GMDS: variants seen among roughly 807,000 people sequenced by gnomAD.
The protein encoded by GMDS is GDP-mannose 4,6 dehydratase.
GMDS carries 20 observed loss-of-function variants against 49.9 expected under a neutral mutation model. The ratio of observed to expected loss-of-function variants is 0.40; its 90% CI spans 0.28 to 0.58. The LOEUF (loss-of-function observed/expected upper bound fraction) is 0.58, where lower values mean the gene tolerates loss of function less well. GMDS is among the 20% of genes least tolerant of loss of function. The pLI, the probability that GMDS is intolerant of heterozygous loss-of-function variation, is 0.42. For synonymous variants in GMDS, 177 were observed against 178.6 expected, an observed-to-expected ratio of 0.99 and a Z score of 0.07; for missense variants, 362 against 481.4, an observed-to-expected ratio of 0.75 and a Z score of 2.32.
At chr6:1,673,420 A>G (rs1181155132) in intron 9 of GMDS, among the ~76,000 whole-genome samples, 1 of 151,370 alleles carries the variant, frequency 6.6e-6, no homozygotes, top group African/African-American at 2.4e-5. Flanking sequence ...TTAGCTTTAT[A>G]GAAAAACTAC....
chr6:1,745,576 G>A (rs1361309178), intron 7 of GMDS, among the ~76,000 whole-genome samples: 2 of 152,186 alleles, frequency 1.3e-5, no homozygotes, highest in African/African-American at 4.8e-5. Context: ...CTAGGGATCA[G>A]TCAGGGCCTC....
intron 1 of GMDS, among the ~76,000 whole-genome samples, chr6:2,198,859 G>C (rs1057138049): frequency 6.6e-6 from 1 of 152,192 alleles, no homozygotes; most frequent in Non-Finnish European, 1.5e-5. Context: ...GGTGTCTCTA[G>C]CCTAGCTCTA....
At chr6:2,201,518 G>A (rs1201257533) in intron 1 of GMDS, among the ~76,000 whole-genome samples, 4 of 124,288 alleles carry the variant, frequency 3.2e-5, no homozygotes, top group Non-Finnish European at 6.9e-5. Flanking sequence ...GGTGAAGGAT[G>A]AAGAGAGAGC....
At chr6:2,075,166 G>C (rs978574242) in intron 4 of GMDS, among the ~76,000 whole-genome samples, 1 of 151,946 alleles carries the variant, frequency 6.6e-6, no homozygotes, top group Non-Finnish European at 1.5e-5. Context: ...TTCTATTTCT[G>C]TGAGAAATGA....
intron 4 of GMDS, among the ~76,000 whole-genome samples, chr6:2,058,692 G>A (rs896471263): frequency 7.2e-5 from 11 of 152,188 alleles, no homozygotes; most frequent in Non-Finnish European, 1.5e-5. Flanking sequence ...AAGTCCAGCA[G>A]AGATCAACGG....
At position 2,191,617 on chromosome 6, in the gene GMDS, G is replaced by A. The variant is rs937636382; in HGVS notation, c.102+53704C>T. Among the ~76,000 whole-genome samples, 20 of 152,224 alleles carry A rather than the reference G, an allele frequency of 1.3e-4. No homozygotes were observed. Among genetic ancestry groups the A allele is most frequent in the African/African-American group, 4.6e-4 (19 of 41,476 alleles). On this transcript the variant is annotated intron_variant, in intron 1 of 10. Transcript: ENST00000380815. This position sits in a 1 kb window ranked among gnomAD's most constrained non-coding sequence, Gnocchi z 4.6. Reference sequence around the variant, plus strand: ...CCTGCTATGATCTCCGAATGGGGTTGGGGCCAAGCCGGGGAGCTGTCACAG... The same window carrying A: ...CCTGCTATGATCTCCGAATGGGGTTAGGGCCAAGCCGGGGAGCTGTCACAG...
chr6:1,941,230 G>T (rs568390860), intron 6 of GMDS, among the ~76,000 whole-genome samples: 3 of 152,210 alleles, frequency 2.0e-5, no homozygotes, highest in Admixed American at 1.3e-4. Context: ...TCCAACGAGG[G>T]TCTAGGCTGA....
intron 1 of GMDS, among the ~76,000 whole-genome samples, chr6:2,184,934 G>C (rs1394410603): frequency 1.8e-4 from 28 of 152,114 alleles, no homozygotes. Context: ...ACACTCTAGA[G>C]TCGCTATTCA....
chr6:1,904,546 G>A (rs1219529253), intron 7 of GMDS, among the ~76,000 whole-genome samples: 2 of 152,180 alleles, frequency 1.3e-5, no homozygotes, highest in Non-Finnish European at 2.9e-5. Flanking sequence ...TCCATTTAAC[G>A]AACGAATTTG....
At chr6:2,127,931 C>A (rs932064346) in intron 1 of GMDS, among the ~76,000 whole-genome samples, 5 of 152,218 alleles carry the variant, frequency 3.3e-5, no homozygotes, top group African/African-American at 1.2e-4. Flanking sequence ...TCCTCTGAAA[C>A]AAGGAACAAA....
At chr6:2,141,271 G>C (rs1776273017) in intron 1 of GMDS, among the ~76,000 whole-genome samples, 1 of 152,262 alleles carries the variant, frequency 6.6e-6, no homozygotes, top group South Asian at 2.1e-4. Context: ...CAAGTTATCA[G>C]GCTGCCACAG....
At chr6:1,759,296 T>C (rs932389177) in intron 7 of GMDS, among the ~76,000 whole-genome samples, 33 of 152,274 alleles carry the variant, frequency 2.2e-4, no homozygotes, top group African/African-American at 7.9e-4. Context: ...CTTAGAGGTG[T>C]TGTCATTCAA....
intron 6 of GMDS, among the ~76,000 whole-genome samples, chr6:1,951,510 G>A (rs1040516147): frequency 2.0e-5 from 3 of 152,128 alleles, no homozygotes; most frequent in Non-Finnish European, 2.9e-5. Context: ...TTAATTATGG[G>A]TATATTTAAA....
At chr6:2,065,546 T>G (rs1290158938) in intron 4 of GMDS, among the ~76,000 whole-genome samples, 2 of 151,992 alleles carry the variant, frequency 1.3e-5, no homozygotes, top group African/African-American at 4.8e-5. Context: ...AATGTATAAC[T>G]AGAATAAACC....
At chr6:1,916,886 T>C (rs1300220253) in intron 7 of GMDS, among the ~76,000 whole-genome samples, 2 of 152,070 alleles carry the variant, frequency 1.3e-5, no homozygotes, top group African/African-American at 2.4e-5. Context: ...CTTCAGGTTT[T>C]TTTTTTTTTG....
rs1360979617 is a variant in GMDS at position 1,734,638 on chromosome 6, C to G, written c.890+7830G>C. ...GGCATGGCCATTTTTGTGGGGAGGC[C>G]TCCTCAAACATTAATTTCAGTAAGA... On this transcript the variant is annotated intron_variant, in intron 8 of 10. Transcript: ENST00000380815. Among the ~76,000 whole-genome samples, 7 of 152,334 alleles carry G rather than the reference C, an allele frequency of 4.6e-5. No homozygotes were observed. In the East Asian group the frequency reaches 1.2e-3, roughly 25 times the overall value.
chr6:1,867,709 T>C (rs1045914432), intron 7 of GMDS, among the ~76,000 whole-genome samples: 4 of 152,154 alleles, frequency 2.6e-5, no homozygotes, highest in Non-Finnish European at 4.4e-5. Flanking sequence ...ATTAGGTAAT[T>C]GTAAATTATT....
intron 7 of GMDS, among the ~76,000 whole-genome samples, chr6:1,871,318 G>A (rs1257999428): frequency 1.3e-5 from 2 of 151,988 alleles, no homozygotes; most frequent in Non-Finnish European, 2.9e-5. Flanking sequence ...ACGTAAATAC[G>A]TTTAAGGAAA....
At chr6:2,072,123 G>A (rs1011038553) in intron 4 of GMDS, among the ~76,000 whole-genome samples, 1 of 152,120 alleles carries the variant, frequency 6.6e-6, no homozygotes, top group Non-Finnish European at 1.5e-5. Context: ...GTCTGTGTAG[G>A]TGTTTGGCCA....
Sources: gnomAD v4.1 joint callset for allele counts (sites outside exome capture counted in the v4.1 genomes callset) on GRCh38, gnomAD v4.1.1 for gene constraint, Gnocchi (gnomAD v3.1) non-coding constraint, MANE v1.5 for transcripts, NCBI Gene and HGNC (gene_info 2026-07-23, HGNC 2026-07-21) for gene names.